NAALADL2: variants seen among roughly 807,000 people sequenced by gnomAD.
NAALADL2 encodes N-acetylated alpha-linked acidic dipeptidase like 2, also known as inactive N-acetylated-alpha-linked acidic dipeptidase-like protein 2.
NAALADL2 carries 76 observed loss-of-function variants against 87.2 expected under a neutral mutation model. The observed-to-expected ratio is 0.87, with a 90% CI of 0.72 to 1.05. The LOEUF (loss-of-function observed/expected upper bound fraction) is 1.05, where lower values mean the gene tolerates loss of function less well. Among genes scored for constraint, NAALADL2 ranks in the 50% least tolerant of loss-of-function variants. The probability of loss-of-function intolerance (pLI) is 0.00; values close to 1 mark genes in which losing one functional copy is unlikely to be tolerated. For missense variants in NAALADL2, 1,089 were observed against 945.8 expected (o/e 1.15, Z -1.99); for synonymous variants, 354 against 331.0 (o/e 1.07, Z -0.75).
intron 4 of NAALADL2, among the ~76,000 whole-genome samples, chr3:175,308,791 C>A (rs1758001448): frequency 6.6e-6 from 1 of 152,172 alleles, no homozygotes; most frequent in South Asian, 2.1e-4. Flanking sequence ...ATTGCAAAGG[C>A]AACTGGTAAT....
chr3:175,026,901 G>A (rs556613461), intron 1 of NAALADL2, among the ~76,000 whole-genome samples: 106 of 152,130 alleles, frequency 7.0e-4, no homozygotes, highest in Non-Finnish European at 3.5e-4. Flanking sequence ...ACTGCATACC[G>A]AACAAACATT....
At chr3:174,906,936 T>C (rs1733052187) in intron 1 of NAALADL2, among the ~76,000 whole-genome samples, 1 of 152,090 alleles carries the variant, frequency 6.6e-6, no homozygotes, top group African/African-American at 2.4e-5. Flanking sequence ...TATATAATTT[T>C]ATTTATCACA....
intron 2 of NAALADL2, among the ~76,000 whole-genome samples, chr3:175,163,198 G>A (rs1182007661): frequency 6.6e-6 from 1 of 151,988 alleles, no homozygotes; most frequent in Admixed American, 6.6e-5. Flanking sequence ...AGCAGAATAG[G>A]TTTGAATGGC....
At chr3:175,707,869 G>A (rs767969983) in intron 11 of NAALADL2, among the ~76,000 whole-genome samples, 30 of 152,018 alleles carry the variant, frequency 2.0e-4, no homozygotes, top group Non-Finnish European at 3.1e-4. Flanking sequence ...TGATAGAAGC[G>A]CTGATGGAAA....
chr3:174,853,594 T>C (rs1579212401), intron 3 of NAALADL2, among the ~76,000 whole-genome samples: 1 of 151,884 alleles, frequency 6.6e-6, no homozygotes, highest in South Asian at 2.1e-4. Flanking sequence ...AAACTGAAGA[T>C]ACAGCCCACA....
At chr3:174,539,062 A>AT (rs1344486305) in intron 1 of NAALADL2, among the ~76,000 whole-genome samples, 1 of 152,204 alleles carries the variant, frequency 6.6e-6, no homozygotes, top group Non-Finnish European at 1.5e-5. Context: ...TCTTCATCAA[A>AT]GAAAATCAAC....
At chr3:175,398,126 G>A (rs1290841406) in intron 5 of NAALADL2, among the ~76,000 whole-genome samples, 3 of 152,092 alleles carry the variant, frequency 2.0e-5, no homozygotes, top group African/African-American at 7.2e-5. Context: ...GAAGGGAAGT[G>A]TGTAACCCAT....
At chr3:175,595,474 T>C (rs1385534070) in intron 10 of NAALADL2, among the ~76,000 whole-genome samples, 1 of 151,970 alleles carries the variant, frequency 6.6e-6, no homozygotes, top group African/African-American at 2.4e-5. Flanking sequence ...ATTTGATACT[T>C]GAAAAACCCT....
intron 9 of NAALADL2, among the ~76,000 whole-genome samples, chr3:175,480,352 A>G (rs1462339382): frequency 1.3e-5 from 2 of 151,828 alleles, no homozygotes; most frequent in Admixed American, 6.6e-5. Context: ...TGTTGTAGAC[A>G]TATATCAATG....
intron 5 of NAALADL2, among the ~76,000 whole-genome samples, chr3:175,430,650 G>T (rs564767536): frequency 6.6e-6 from 1 of 152,052 alleles, no homozygotes; most frequent in South Asian, 2.1e-4. Flanking sequence ...GTCTCTACAC[G>T]TTATTATTTC....
rs185658020 is a variant in NAALADL2 at position 174,907,020 on chromosome 3, G to T, written c.43+47570G>T. 1.3e-3 allele frequency among the ~76,000 whole-genome samples: 192 copies of T among 152,092 alleles called. 1 individual carries two copies. Among genetic ancestry groups the T allele is most frequent in the African/African-American group, 4.4e-3 (181 of 41,468 alleles). Reference sequence around the variant, plus strand: ...GTTATTAATAGTAAAAAATTTCACAGATAACTCATAACTCTTTGTGCCTAG... The same window carrying T: ...GTTATTAATAGTAAAAAATTTCACATATAACTCATAACTCTTTGTGCCTAG... On this transcript the variant is annotated intron_variant, in intron 1 of 13. Transcript: ENST00000454872.
intron 10 of NAALADL2, among the ~76,000 whole-genome samples, chr3:175,579,318 A>G (rs1036235633): frequency 2.6e-5 from 4 of 151,882 alleles, no homozygotes; most frequent in African/African-American, 7.2e-5. Context: ...GTAGGAAAAT[A>G]AACTAGTGCA....
At chr3:174,629,942 G>A (rs1398242130) in intron 2 of NAALADL2, among the ~76,000 whole-genome samples, 5 of 152,230 alleles carry the variant, frequency 3.3e-5, no homozygotes, top group East Asian at 3.9e-4. Context: ...GCTTATTAGC[G>A]TAATGTTGTG....
chr3:175,065,880 T>C (rs989932303), intron 1 of NAALADL2, among the ~76,000 whole-genome samples: 5 of 152,218 alleles, frequency 3.3e-5, no homozygotes, highest in African/African-American at 4.8e-5. Flanking sequence ...AGTTTCCATA[T>C]AGCTGTGAGC....
intron 11 of NAALADL2, among the ~76,000 whole-genome samples, chr3:175,693,707 G>T (rs115367833): frequency 2.0e-5 from 3 of 152,016 alleles, no homozygotes; most frequent in African/African-American, 7.2e-5. Context: ...GGGTTGGTTG[G>T]TTTGTTCGTT....
At chr3:175,788,077 GT>G (rs1257733900) in intron 13 of NAALADL2, among the ~76,000 whole-genome samples, 1 of 140,590 alleles carries the variant, frequency 7.1e-6, no homozygotes, top group East Asian at 2.2e-4. Flanking sequence ...CAGGTGTACA[GT>G]TTTTTACCTG....
intron 1 of NAALADL2, among the ~76,000 whole-genome samples, chr3:175,084,487 G>A (rs2108265399): frequency 6.6e-6 from 1 of 152,158 alleles, no homozygotes; most frequent in South Asian, 2.1e-4. Flanking sequence ...TGGTACTCAG[G>A]GCTATAAGAA....
chr3:174,809,650 C>CTT (rs34731296), intron 3 of NAALADL2, among the ~76,000 whole-genome samples: 72 of 151,198 alleles, frequency 4.8e-4, no homozygotes, highest in Admixed American at 8.6e-4. Flanking sequence ...AATGGACTGA[C>CTT]TTTTTTTTTA....
intron 2 of NAALADL2, among the ~76,000 whole-genome samples, chr3:174,555,338 C>A (rs565784128): frequency 1.3e-5 from 2 of 152,228 alleles, no homozygotes; most frequent in African/African-American, 4.8e-5. Context: ...TCACTCTTGT[C>A]GCCCAGCCTG....
Sources: gnomAD v4.1 joint callset for allele counts (sites outside exome capture counted in the v4.1 genomes callset) on GRCh38, gnomAD v4.1.1 for gene constraint, MANE v1.5 for transcripts, NCBI Gene and HGNC (gene_info 2026-07-23, HGNC 2026-07-21) for gene names.